Variants in PHACTR4 observed in about 807,000 individuals in gnomAD.
The protein encoded by PHACTR4 is phosphatase and actin regulator 4.
Under a neutral mutation model 72.7 loss-of-function variants are expected in PHACTR4, and 51 were observed. The observed-to-expected ratio is 0.70, with a 90% CI of 0.56 to 0.89. PHACTR4 has a LOEUF of 0.89. Ranked by LOEUF, PHACTR4 falls within the 40% of genes least tolerant of loss-of-function variation. PHACTR4 has a pLI of 0.00. For missense variants in PHACTR4, 731 were observed against 861.8 expected, an observed-to-expected ratio of 0.85 and a Z score of 1.90; for synonymous variants, 255 against 302.5, an observed-to-expected ratio of 0.84 and a Z score of 1.63.
At chr1:28,453,561 G>A in intron 2 of PHACTR4, 1 of 727,682 alleles carries the variant, frequency 1.4e-6, no homozygotes, top group East Asian at 2.7e-5. Flanking sequence ...ACGAGAGAGT[G>A]GGACTTGGGC....
At chr1:28,377,227 C>T (rs145324275) in intron 1 of PHACTR4, among the ~76,000 whole-genome samples, 2,335 of 150,934 alleles carry the variant, frequency 0.015, 52 homozygotes, top group African/African-American at 0.053. Context: ...CGTGAGCCTC[C>T]GCACCCAGCC....
intron 2 of PHACTR4, among the ~76,000 whole-genome samples, chr1:28,423,868 A>C (rs1291153954): frequency 6.6e-6 from 1 of 152,234 alleles, no homozygotes; most frequent in Non-Finnish European, 1.5e-5. Context: ...TTATTCAAAC[A>C]GAATTGGGAG....
intron 1 of PHACTR4, among the ~76,000 whole-genome samples, chr1:28,378,694 G>A (rs926677301): frequency 6.6e-6 from 1 of 151,010 alleles, no homozygotes; most frequent in African/African-American, 2.4e-5. Context: ...TGAAGGGAAA[G>A]GGAAAGCAGC....
intron 2 of PHACTR4, among the ~76,000 whole-genome samples, chr1:28,447,681 A>G (rs1014634134): frequency 3.9e-5 from 6 of 152,046 alleles, no homozygotes; most frequent in Non-Finnish European, 7.4e-5. Flanking sequence ...TTTTTGTCAG[A>G]ACAGTGTGCA....
chr1:28,473,769 C>A lies in PHACTR4; in HGVS notation c.1039C>A (p.Leu347Met). 1 of 1,614,140 alleles carries A rather than the reference C, an allele frequency of 6.2e-7. No homozygotes were observed. The highest frequency in any genetic ancestry group is 8.5e-7 in the Non-Finnish European group (1 of 1,180,022). Reference protein sequence around the residue: ...MISPRSPSPPLPTHIPPEPPR... With the variant: ...MISPRSPSPPMPTHIPPEPPR... ...CTCACCTCGCTCTCCGTCCCCCCCA[C>A]TGCCTACTCATATACCTCCAGAGCC... The change falls in exon 7 of 14, where the codon CTG becomes ATG. Residue 347 changes from leucine to methionine, a missense_variant. Physicochemically the swap from Leu to Met is conservative, Grantham distance 15 (BLOSUM62 2). Transcript: ENST00000373839.
At chr1:28,436,316 G>A (rs1314416114) in intron 2 of PHACTR4, among the ~76,000 whole-genome samples, 1 of 151,676 alleles carries the variant, frequency 6.6e-6, no homozygotes, top group Non-Finnish European at 1.5e-5. Flanking sequence ...TGCCGAGGCT[G>A]GACTCAAACT....
chr1:28,434,612 G>A (rs189192043), intron 2 of PHACTR4, among the ~76,000 whole-genome samples: 2 of 152,154 alleles, frequency 1.3e-5, no homozygotes, highest in Non-Finnish European at 2.9e-5. Context: ...GAGCCACTGT[G>A]CCCAGCCCCT....
intron 2 of PHACTR4, among the ~76,000 whole-genome samples, chr1:28,455,357 C>A (rs1658315961): frequency 6.6e-6 from 1 of 151,512 alleles, no homozygotes; most frequent in Non-Finnish European, 1.5e-5. Flanking sequence ...CCACCACACC[C>A]AGCTAATTTT....
chr1:28,466,341 ACT>A (rs754996123), intron 5 of PHACTR4, 39 bp from the exon 6 acceptor site: 1 of 1,551,570 alleles, frequency 6.4e-7, no homozygotes, highest in Non-Finnish European at 8.7e-7. Context: ...TTCTCTTGTT[ACT>A]CTCTCTTCCC....
intron 2 of PHACTR4, among the ~76,000 whole-genome samples, chr1:28,445,290 T>A (rs1268444652): frequency 2.0e-5 from 3 of 152,140 alleles, no homozygotes; most frequent in African/African-American, 7.2e-5. Flanking sequence ...AGTCTCGCTA[T>A]GTTGCCCAGG....
chr1:28,477,889 T>C (rs1660023841), intron 8 of PHACTR4, among the ~76,000 whole-genome samples: 1 of 151,982 alleles, frequency 6.6e-6, no homozygotes. Flanking sequence ...CGTTTCACCA[T>C]GTTGCCCAGG....
At chr1:28,423,341 C>T (rs998448630) in intron 2 of PHACTR4, among the ~76,000 whole-genome samples, 1 of 151,750 alleles carries the variant, frequency 6.6e-6, no homozygotes, top group South Asian at 2.1e-4. Context: ...CCAGGGAGGT[C>T]GAGGCTGCAG....
chr1:28,482,938 CAAA>C (rs746000955), intron 9 of PHACTR4, among the ~76,000 whole-genome samples: 4 of 118,806 alleles, frequency 3.4e-5, no homozygotes, highest in Non-Finnish European at 5.4e-5. Flanking sequence ...AACCCTGTCT[CAAA>C]AAAAAAAAAA....
chr1:28,466,817 G>C (rs1209245619), intron 6 of PHACTR4, 49 bp downstream of exon 6: 4 of 1,549,424 alleles, frequency 2.6e-6, no homozygotes, highest in Non-Finnish European at 3.5e-6. Context: ...TTTGATGTTG[G>C]ATGGTTATTT....
intron 2 of PHACTR4, among the ~76,000 whole-genome samples, chr1:28,428,189 C>T (rs1655993727): frequency 6.6e-6 from 1 of 152,170 alleles, no homozygotes; most frequent in African/African-American, 2.4e-5. Context: ...CTTCTCATTT[C>T]CCCTTTTCCT....
rs1474372419 is a variant in PHACTR4, at chr1:28,459,155, T to G, written c.87T>G (p.Pro29=). The change falls in exon 3 of 14, where the codon CCT becomes CCG. Residue 29 remains proline, a synonymous_variant. Coordinates refer to ENST00000373839, the MANE Select transcript of PHACTR4 (RefSeq NM_001048183.3). Reference sequence around the variant, plus strand: ...GTGTGGAAGCAGGAGACACAACACCTCCTACCAAAAGGAAGAGCAAGTTCT... The same window carrying G: ...GTGTGGAAGCAGGAGACACAACACCGCCTACCAAAAGGAAGAGCAAGTTCT... The part of the protein sequence containing the change: ...LDSVEAGDTT[P]PTKRKSKFSG... The G allele has an allele frequency of 6.2e-7, 1 of 1,613,642 alleles. No homozygotes were observed. The highest frequency in any genetic ancestry group is 1.1e-5 in the South Asian group (1 of 91,078).
rs533637647 is a variant in PHACTR4, at chr1:28,459,203, G to A, written c.135G>A (p.Lys45=). ...SKFSGFGKIF[K]PWKWRKKKSS... ...TCTCAGGCTTTGGCAAGATCTTCAAGCCCTGGAAATGGAGGAAAAAAAAAA... is the reference window on the plus strand; with the variant it reads ...TCTCAGGCTTTGGCAAGATCTTCAAACCCTGGAAATGGAGGAAAAAAAAAA... The change falls in exon 3 of 14, where the codon AAG becomes AAA. Residue 45 remains lysine, a synonymous_variant. Transcript: ENST00000373839. 70 of 1,613,512 alleles carry A rather than the reference G, an allele frequency of 4.3e-5. No homozygotes were observed. The East Asian group carries it at 1.3e-3, about 29-fold the overall frequency.
Position 28,402,103 on chromosome 1 carries a change from T to C in PHACTR4, c.-38-5307T>C, listed in dbSNP as rs1447533700. On this transcript the variant is annotated intron_variant, in intron 1 of 13. Coordinates refer to ENST00000373839, the MANE Select transcript of PHACTR4 (RefSeq NM_001048183.3). ...GACTTGGTAATGATTTAATTGTAGC[T>C]GTGAGAGAAAGAGAAGAGTCAAGGA... Among the ~76,000 whole-genome samples, 3 of 152,178 alleles carry C rather than the reference T, an allele frequency of 2.0e-5. No homozygotes were observed. In the East Asian group the frequency reaches 5.8e-4, roughly 29 times the overall value.
chr1:28,484,783 C>G (rs6426347), intron 9 of PHACTR4, among the ~76,000 whole-genome samples: 13,430 of 151,522 alleles, frequency 0.089, 1,271 homozygotes, highest in African/African-American at 0.24. Flanking sequence ...CTGGCTAACA[C>G]GGTGAAACCC....
Sources: allele counts gnomAD v4.1 joint callset (sites outside exome capture counted in the v4.1 genomes callset), GRCh38; gene constraint gnomAD v4.1.1; transcripts MANE v1.5; gene names NCBI Gene and HGNC (gene_info 2026-07-23, HGNC 2026-07-21).